Variants in DSCAM observed in about 807,000 individuals in gnomAD.
The protein encoded by DSCAM is DS cell adhesion molecule, also known as cell adhesion molecule DSCAM.
DSCAM carries 47 observed loss-of-function variants against 217.7 expected under a neutral mutation model. The ratio of observed to expected loss-of-function variants is 0.22; its 90% CI spans 0.17 to 0.28. The LOEUF (loss-of-function observed/expected upper bound fraction) is 0.28. DSCAM is among the 10% of genes least tolerant of loss of function. The pLI is 1.00. For missense variants in DSCAM, 2,080 were observed against 2,618.3 expected, an observed-to-expected ratio of 0.79 and a Z score of 4.49; for synonymous variants, 1,056 against 1,015.3, an observed-to-expected ratio of 1.04 and a Z score of -0.76.
chr21:40,738,982 G>A (rs1483452887), intron 1 of DSCAM, among the ~76,000 whole-genome samples: 1 of 152,188 alleles, frequency 6.6e-6, no homozygotes, highest in Non-Finnish European at 1.5e-5. Context: ...AGAAGGGGGA[G>A]CATGAGTTCT....
At chr21:40,214,642 A>G (rs1207328253) in intron 11 of DSCAM, among the ~76,000 whole-genome samples, 1 of 152,016 alleles carries the variant, frequency 6.6e-6, no homozygotes, top group Middle Eastern at 3.4e-3. Context: ...ACTACAGGTA[A>G]AGGGTGGAAA....
chr21:40,048,143 G>A (rs1363250200), intron 30 of DSCAM, among the ~76,000 whole-genome samples: 3 of 152,200 alleles, frequency 2.0e-5, no homozygotes, highest in African/African-American at 4.8e-5. Context: ...CTGAGACTAG[G>A]TGATGTCATC....
intron 9 of DSCAM, among the ~76,000 whole-genome samples, chr21:40,302,973 C>T (rs1425741093): frequency 6.6e-6 from 1 of 152,096 alleles, no homozygotes; most frequent in Non-Finnish European, 1.5e-5. Context: ...GTTTGGAAGC[C>T]ATGGCTTCTA....
At chr21:40,502,103 C>T (rs972696375) in intron 3 of DSCAM, among the ~76,000 whole-genome samples, 2 of 152,098 alleles carry the variant, frequency 1.3e-5, no homozygotes, top group Admixed American at 1.3e-4. Context: ...TTTCACTAAC[C>T]TCTAACTGAA....
At chr21:40,082,680 C>T (rs552327155) in intron 24 of DSCAM, among the ~76,000 whole-genome samples, 25 of 141,710 alleles carry the variant, frequency 1.8e-4, no homozygotes, top group African/African-American at 6.7e-4. Flanking sequence ...AAAATCACCT[C>T]ACTTTTTCTT....
rs1356032698 is a variant in DSCAM, at chr21:40,563,682, G to A, written c.508+129128C>T. Among the ~76,000 whole-genome samples, 3 of 100,352 alleles carry A rather than the reference G, an allele frequency of 3.0e-5. 1 individual carries two copies. Among genetic ancestry groups the A allele is most frequent in the East Asian group, 5.6e-4 (2 of 3,564 alleles). The allele number at this position is 100,352 out of a possible 152,430, so 65.8% of individuals were successfully genotyped here. A position where few individuals can be genotyped will look rare whatever the true frequency, so the allele number is the denominator to read the frequency against. Reference sequence around the variant, plus strand: ...TGTTTGTTTATATATATGTTTATATGTTTATATATAGTTATATGTGTGTAT... The same window carrying A: ...TGTTTGTTTATATATATGTTTATATATTTATATATAGTTATATGTGTGTAT... On this transcript the variant is annotated intron_variant, in intron 3 of 32. Coordinates refer to ENST00000400454, the MANE Select transcript of DSCAM (RefSeq NM_001389.5).
At chr21:40,208,060 T>C (rs2091144873) in intron 11 of DSCAM, among the ~76,000 whole-genome samples, 1 of 152,198 alleles carries the variant, frequency 6.6e-6, no homozygotes. Flanking sequence ...AGTTAGTTCC[T>C]AATAATACCT....
intron 3 of DSCAM, among the ~76,000 whole-genome samples, chr21:40,470,834 G>A (rs1246792226): frequency 6.6e-6 from 1 of 152,226 alleles, no homozygotes; most frequent in African/African-American, 2.4e-5. Context: ...GATTACAAGT[G>A]TGAGCCACCT....
At chr21:40,468,813 G>A (rs563611591) in intron 3 of DSCAM, among the ~76,000 whole-genome samples, 2 of 152,126 alleles carry the variant, frequency 1.3e-5, no homozygotes, top group South Asian at 2.1e-4. Context: ...CAAAAAGGAG[G>A]AGATTTGTAC....
At chr21:40,255,357 C>G (rs1046639171) in intron 11 of DSCAM, among the ~76,000 whole-genome samples, 4 of 152,136 alleles carry the variant, frequency 2.6e-5, no homozygotes, top group Non-Finnish European at 4.4e-5. Context: ...TGGCTCTTTT[C>G]CCCAGTGAGT....
chr21:40,240,974 C>A (rs183348908), intron 11 of DSCAM, among the ~76,000 whole-genome samples: 6 of 152,086 alleles, frequency 3.9e-5, no homozygotes, highest in Non-Finnish European at 7.4e-5. Context: ...TTACACCACA[C>A]GCAAAAATCA....
At chr21:40,336,906 C>T (rs972679427) in intron 8 of DSCAM, among the ~76,000 whole-genome samples, 1 of 152,110 alleles carries the variant, frequency 6.6e-6, no homozygotes, top group Non-Finnish European at 1.5e-5. Context: ...AACACAACCA[C>T]CAAATGAACC....
At chr21:40,098,371 A>G (rs1054966587) in intron 20 of DSCAM, among the ~76,000 whole-genome samples, 17 of 152,346 alleles carry the variant, frequency 1.1e-4, no homozygotes, top group African/African-American at 3.8e-4. Context: ...TTGTTCCTTA[A>G]AAAGCCATGT....
chr21:40,406,145 G>T (rs1377739076), intron 3 of DSCAM, among the ~76,000 whole-genome samples: 2 of 152,158 alleles, frequency 1.3e-5, no homozygotes, highest in Non-Finnish European at 2.9e-5. Flanking sequence ...TAAGATGAAA[G>T]AAAACAAGAG....
chr21:40,360,841 T>C (rs542504114), intron 4 of DSCAM, among the ~76,000 whole-genome samples: 118 of 152,308 alleles, frequency 7.7e-4, no homozygotes, highest in African/African-American at 2.4e-3. Flanking sequence ...AGTAATGGGA[T>C]TGCTGGGTCA....
At chr21:40,761,337 G>C (rs1359035151) in intron 1 of DSCAM, among the ~76,000 whole-genome samples, 3 of 151,574 alleles carry the variant, frequency 2.0e-5, no homozygotes, top group Non-Finnish European at 2.9e-5. Context: ...CTGGCTCATG[G>C]CCCCCCCTCT....
At chr21:40,668,426 C>T (rs752569497) in intron 3 of DSCAM, among the ~76,000 whole-genome samples, 3 of 152,190 alleles carry the variant, frequency 2.0e-5, no homozygotes, top group African/African-American at 4.8e-5. Flanking sequence ...GGAGCCCAAG[C>T]CCAGACCAAT....
chr21:40,828,295 T>A (rs2091985794), intron 1 of DSCAM, among the ~76,000 whole-genome samples: 1 of 152,114 alleles, frequency 6.6e-6, no homozygotes, highest in Non-Finnish European at 1.5e-5. Context: ...AGATGGGAGA[T>A]GTGGAATTCT....
intron 3 of DSCAM, among the ~76,000 whole-genome samples, chr21:40,639,444 AATTT>A (rs1400437238): frequency 3.9e-5 from 6 of 152,156 alleles, no homozygotes; most frequent in Non-Finnish European, 8.8e-5. Context: ...AATAGATTTG[AATTT>A]ATTTTGTGCG....
Sources: allele counts gnomAD v4.1 joint callset (sites outside exome capture counted in the v4.1 genomes callset), GRCh38; gene constraint gnomAD v4.1.1; transcripts MANE v1.5; gene names NCBI Gene and HGNC (gene_info 2026-07-23, HGNC 2026-07-21).